The following COBL variants were observed in gnomAD, a reference collection of about 807,000 sequenced individuals.
COBL encodes the protein protein cordon-bleu.
In COBL, 51 loss-of-function variants were observed where a neutral mutation model predicts 98.8. The observed-to-expected ratio is 0.52, with a 90% CI of 0.41 to 0.65. COBL has a LOEUF of 0.65. COBL is among the 30% of genes least tolerant of loss of function. The pLI, the probability that COBL is intolerant of heterozygous loss-of-function variation, is 0.00. For missense variants in COBL, 1,617 were observed against 1,617.5 expected (o/e 1.00, Z 0.01); for synonymous variants, 634 against 651.7 (o/e 0.97, Z 0.41).
intron 1 of COBL, among the ~76,000 whole-genome samples, chr7:51,256,638 G>A (rs532665012): frequency 5.3e-5 from 8 of 152,294 alleles, no homozygotes; most frequent in African/African-American, 1.7e-4. Flanking sequence ...TCCTGCAAGC[G>A]TCACGTGGTT....
chr7:51,156,183 A>G (rs1369724762), intron 5 of COBL: 1 of 982,696 alleles, frequency 1.0e-6, no homozygotes, highest in Non-Finnish European at 1.2e-6. Flanking sequence ...AGTTCAACCA[A>G]AATACTCTGC....
intron 6 of COBL, among the ~76,000 whole-genome samples, chr7:51,097,539 T>C (rs1344699117): frequency 6.6e-6 from 1 of 152,212 alleles, no homozygotes; most frequent in South Asian, 2.1e-4. Context: ...TGATTTTATA[T>C]GTAGAAAATC....
At chr7:51,095,205 A>G (rs1321770897) in intron 6 of COBL, among the ~76,000 whole-genome samples, 1 of 152,208 alleles carries the variant, frequency 6.6e-6, no homozygotes, top group Admixed American at 6.5e-5. Context: ...GGCGGCAGGC[A>G]AAGACAGCAT....
chr7:51,265,865 T>C (rs898567902), intron 1 of COBL, among the ~76,000 whole-genome samples: 1 of 152,128 alleles, frequency 6.6e-6, no homozygotes, highest in Non-Finnish European at 1.5e-5. Context: ...CAAGAAACAG[T>C]CATATGCGAT....
chr7:51,045,053 T>C (rs903575967), intron 7 of COBL, among the ~76,000 whole-genome samples: 5 of 152,382 alleles, frequency 3.3e-5, no homozygotes, highest in Admixed American at 6.5e-5. Context: ...CTCGCTCTTC[T>C]AGTTCTCTCC....
intron 6 of COBL, among the ~76,000 whole-genome samples, chr7:51,109,469 G>A (rs1048608516): frequency 5.3e-5 from 8 of 152,082 alleles, no homozygotes; most frequent in African/African-American, 9.7e-5. Flanking sequence ...TGCTCCTGAA[G>A]CACCTCAGTT....
chr7:51,156,210 A>G (rs929745884), intron 5 of COBL: 2 of 985,206 alleles, frequency 2.0e-6, no homozygotes, highest in African/African-American at 3.5e-5. Flanking sequence ...ACACACACAC[A>G]CAAAATTTAC....
At chr7:51,191,143 G>A in intron 3 of COBL, 65 bp from the exon 4 acceptor site, 3 of 1,441,080 alleles carry the variant, frequency 2.1e-6, no homozygotes, top group Non-Finnish European at 2.9e-6. Flanking sequence ...CAACTCTTGT[G>A]TCAATTTGAC....
intron 1 of COBL, among the ~76,000 whole-genome samples, chr7:51,308,117 C>A (rs1183244703): frequency 6.6e-6 from 1 of 152,236 alleles, no homozygotes; most frequent in African/African-American, 2.4e-5. Flanking sequence ...TGTTTAGACT[C>A]TGGCTGCTGT....
intron 1 of COBL, among the ~76,000 whole-genome samples, chr7:51,301,718 C>T (rs572065051): frequency 6.6e-6 from 1 of 152,326 alleles, no homozygotes; most frequent in East Asian, 1.9e-4. Flanking sequence ...TGGTTCCAAG[C>T]CACAGATTCC....
At position 51,284,538 on chromosome 7, in the gene COBL, T is replaced by C. The variant is rs117538243; in HGVS notation, c.41+32055A>G. ...AAAACTTCCTAAGCCTATTAAACTATAGCTATAAGGCCAGGCATGGTGGCT... is the reference window on the plus strand; with the variant it reads ...AAAACTTCCTAAGCCTATTAAACTACAGCTATAAGGCCAGGCATGGTGGCT... On this transcript the variant is annotated intron_variant, in intron 1 of 12. Coordinates refer to ENST00000265136, the MANE Select transcript of COBL (RefSeq NM_015198.5). 7.7e-3 allele frequency among the ~76,000 whole-genome samples: 1,160 copies of C among 149,920 alleles called. 58 individuals carry two copies. The South Asian group carries it at 0.14, about 18-fold the overall frequency.
rs191199231 is a variant in COBL at position 51,099,367 on chromosome 7, T to C, written c.958-14063A>G. 3.8e-3 allele frequency among the ~76,000 whole-genome samples: 581 copies of C among 152,308 alleles called. 2 individuals are homozygous for C. Among genetic ancestry groups the C allele is most frequent in the African/African-American group, 0.013 (550 of 41,574 alleles). On this transcript the variant is annotated intron_variant, in intron 6 of 12. Transcript: ENST00000265136. The stretch of plus-strand genomic sequence containing the variant: ...GAGGTGGAAGCAACATAAATATCTA[T>C]TGATGGATGAATGCATAAAGAAAAT...
intron 1 of COBL, among the ~76,000 whole-genome samples, chr7:51,295,866 A>G (rs893802718): frequency 6.6e-6 from 1 of 152,134 alleles, no homozygotes; most frequent in Non-Finnish European, 1.5e-5. Context: ...AAATTTAAAA[A>G]CCCTCACTGA....
chr7:51,263,500 C>T (rs1290625206), intron 1 of COBL, among the ~76,000 whole-genome samples: 4 of 151,866 alleles, frequency 2.6e-5, no homozygotes, highest in Admixed American at 2.0e-4. Context: ...TGGCAAGGGC[C>T]TGAGCTATGA....
rs34873583 is a variant in COBL, at chr7:51,170,530, T to TATATATATAG, written c.783+13571_783+13572insCTATATATAT. Among the ~76,000 whole-genome samples the TATATATATAG allele has an allele frequency of 2.2e-5, 3 of 135,536 alleles. No individual in the cohort carries two copies. The East Asian group carries it at 6.6e-4, about 30-fold the overall frequency. The allele number at this position is 135,536 out of a possible 152,430, so 88.9% of individuals were successfully genotyped here. A position where few individuals can be genotyped will look rare whatever the true frequency, so the allele number is the denominator to read the frequency against. ...TGATATATATATATATATATATATA[T>TATATATATAG]AAATATATATCACATACATATATAT... On this transcript the variant is annotated intron_variant, in intron 5 of 12. Transcript: ENST00000265136.
chr7:51,194,579 A>G (rs1790418156), intron 2 of COBL, among the ~76,000 whole-genome samples: 1 of 152,188 alleles, frequency 6.6e-6, no homozygotes, highest in South Asian at 2.1e-4. Context: ...AATCCCATCA[A>G]CAGTGTATAA....
In COBL at chr7:51,027,903, C is replaced by G. The variant is rs1338871560; in HGVS notation, c.3193G>C (p.Glu1065Gln). 1 of 1,614,168 alleles carries G rather than the reference C, an allele frequency of 6.2e-7. No individual in the cohort carries two copies. The highest frequency in any genetic ancestry group is 1.1e-5 in the South Asian group (1 of 91,076). ...AACACACTGGGCTTTTCCTCTCTTT[C>G]TAGGAGAATGTGGCTTTCTGTGCCA... ...GSGTESHILLEREEKPSVFST... is the reference protein window; with the variant it reads ...GSGTESHILLQREEKPSVFST... Residue 1065 changes from glutamate (E) to glutamine (Q), a missense_variant, in exon 10 of 13, where the codon GAA (glutamate) becomes CAA (glutamine). Coordinates refer to ENST00000265136, the MANE Select transcript of COBL (RefSeq NM_015198.5).
chr7:51,157,284 A>G (rs1013536449), intron 5 of COBL, among the ~76,000 whole-genome samples: 2 of 152,180 alleles, frequency 1.3e-5, no homozygotes, highest in Non-Finnish European at 2.9e-5. Context: ...GAGGCAGGAG[A>G]ACTGCTTAAA....
intron 2 of COBL, among the ~76,000 whole-genome samples, chr7:51,210,558 AAC>A (rs1455201293): frequency 1.1e-4 from 16 of 152,152 alleles, no homozygotes; most frequent in Non-Finnish European, 1.5e-5. Flanking sequence ...GTGTCAGGTA[AAC>A]ACAGCTTTCT....
Sources: gnomAD v4.1 joint callset for allele counts (sites outside exome capture counted in the v4.1 genomes callset) on GRCh38, gnomAD v4.1.1 for gene constraint, MANE v1.5 for transcripts, NCBI Gene and HGNC (gene_info 2026-07-23, HGNC 2026-07-21) for gene names.